The following MARK1 variants were observed in gnomAD, a reference collection of about 807,000 sequenced individuals.
The protein encoded by MARK1 is microtubule affinity regulating kinase 1.
Under a neutral mutation model 96.3 loss-of-function variants are expected in MARK1, and 40 were observed. That is an observed-to-expected ratio of 0.42 (90% confidence interval 0.32 to 0.54). The LOEUF (loss-of-function observed/expected upper bound fraction) is 0.54, where lower values mean the gene tolerates loss of function less well. Among genes scored for constraint, MARK1 ranks in the 20% least tolerant of loss-of-function variants. The pLI is 0.16. For synonymous variants in MARK1, 317 were observed against 341.2 expected (o/e 0.93, Z 0.78); for missense variants, 719 against 984.6 (o/e 0.73, Z 3.61).
chr1:220,613,536 CAT>C (rs1473084680), intron 6 of MARK1, among the ~76,000 whole-genome samples: 2 of 152,072 alleles, frequency 1.3e-5, no homozygotes, highest in Non-Finnish European at 1.5e-5. Context: ...CTCATACAAA[CAT>C]GTGACTAACA....
At chr1:220,617,047 TAG>T in intron 7 of MARK1, among the ~76,000 whole-genome samples, 1 of 152,286 alleles carries the variant, frequency 6.6e-6, no homozygotes, top group East Asian at 1.9e-4. Context: ...CAGACATTTT[TAG>T]AGAGACTGAA....
At chr1:220,529,649 G>A (rs1660174526) in intron 1 of MARK1, among the ~76,000 whole-genome samples, 1 of 152,090 alleles carries the variant, frequency 6.6e-6, no homozygotes, top group Non-Finnish European at 1.5e-5. Flanking sequence ...TTTAAAGGAG[G>A]GATTTTCTGT....
intron 15 of MARK1, among the ~76,000 whole-genome samples, chr1:220,652,355 C>G (rs1001079568): frequency 6.6e-6 from 1 of 152,066 alleles, no homozygotes; most frequent in African/African-American, 2.4e-5. Flanking sequence ...AAATCATTTT[C>G]TAGAGGAATT....
chr1:220,609,297 A>C (rs1013426039), intron 6 of MARK1, among the ~76,000 whole-genome samples: 15 of 152,198 alleles, frequency 9.9e-5, no homozygotes, highest in African/African-American at 3.4e-4. Flanking sequence ...TGATCCCTTT[A>C]CCATTATGTA....
At chr1:220,531,846 A>G (rs950992604) in intron 1 of MARK1, among the ~76,000 whole-genome samples, 2 of 152,210 alleles carry the variant, frequency 1.3e-5, no homozygotes, top group Non-Finnish European at 1.5e-5. Context: ...AATAGAATCT[A>G]TGCAAAATGT....
chr1:220,535,669 C>A (rs1192592486), intron 1 of MARK1, among the ~76,000 whole-genome samples: 3 of 151,758 alleles, frequency 2.0e-5, no homozygotes, highest in African/African-American at 7.3e-5. Context: ...ATCTTTAATC[C>A]CTTTTGAGAT....
Position 220,528,856 on chromosome 1 carries a change from G to T in MARK1, c.34G>T (p.Glu12Ter). ...SARTPLPTVN[E>*]RDTENHTSVD... is the part of the protein sequence containing the mutation. ...CCGGACGCCATTGCCGACGGTGAAC[G>T]AGCGGGACACGGAAAATGTGAGTAA... Residue 12 changes from glutamate (E) to a stop codon, truncating the protein, a stop_gained, in exon 1 of 18, where the codon GAG becomes TAG. Coordinates refer to ENST00000366917, the MANE Select transcript of MARK1 (RefSeq NM_018650.5). LOFTEE classifies it high-confidence loss of function. 6.4e-7 allele frequency: 1 copy of T among 1,571,542 alleles called. No individual in the cohort carries two copies. The highest frequency in any genetic ancestry group is 1.2e-5 in the South Asian group (1 of 85,688).
chr1:220,539,220 CTTA>C, intron 1 of MARK1, among the ~76,000 whole-genome samples: 1 of 151,936 alleles, frequency 6.6e-6, no homozygotes, highest in East Asian at 1.9e-4. Context: ...ATAGATAGCT[CTTA>C]TTATTTTGAG....
intron 1 of MARK1, among the ~76,000 whole-genome samples, chr1:220,552,077 A>T (rs1661900954): frequency 6.6e-6 from 1 of 152,218 alleles, no homozygotes; most frequent in Admixed American, 6.5e-5. Flanking sequence ...ATGTAATAGC[A>T]ACCTAATTTT....
In MARK1 at chr1:220,635,509, A is replaced by T; in HGVS notation, c.1256A>T (p.Gln419Leu). Residue 419 changes from glutamine (Q) to leucine (L), a missense_variant, in exon 12 of 18, where the codon CAG becomes CTG. Physicochemically the swap from Gln to Leu is moderately radical, Grantham distance 113. Transcript: ENST00000366917. Reference sequence around the variant, plus strand: ...AGAAGTATCTCAGCAAATCAGAAGCAGCGGCGTTTCAGTGATCATGGTAGG... The same window carrying T: ...AGAAGTATCTCAGCAAATCAGAAGCTGCGGCGTTTCAGTGATCATGGTAGG... ...VQRSISANQK[Q>L]RRFSDHAGPS... 3 of 1,610,846 alleles carry T rather than the reference A, an allele frequency of 1.9e-6. No individual in the cohort carries two copies. Among genetic ancestry groups the T allele is most frequent in the Non-Finnish European group, 2.5e-6 (3 of 1,179,230 alleles).
chr1:220,561,422 CA>C (rs1662660653), intron 1 of MARK1, among the ~76,000 whole-genome samples: 2 of 151,868 alleles, frequency 1.3e-5, no homozygotes. Context: ...ATGTATGGCC[CA>C]AGACAGTTCT....
intron 1 of MARK1, among the ~76,000 whole-genome samples, chr1:220,570,089 ATC>A (rs1663339060): frequency 6.6e-6 from 1 of 152,176 alleles, no homozygotes. Flanking sequence ...TGAATAATAT[ATC>A]ATTTCATAAA....
At position 220,664,378 on chromosome 1, in the gene MARK1, A is replaced by G. The variant is rs1289842772; in HGVS notation, c.*2212A>G. ...AAATACCAGTTTATGTTCACCGGCT[A>G]TGTGATACCAGGATTTCCTTGGCTT... is the stretch of plus-strand genomic sequence containing the variant. On this transcript the variant is annotated 3_prime_UTR_variant, in exon 18 of 18. Transcript: ENST00000366917. The G allele has an allele frequency of 6.6e-6, 1 of 152,176 alleles. No individual in the cohort carries two copies. The highest frequency in any genetic ancestry group is 1.5e-5 in the Non-Finnish European group (1 of 68,030). 9.4% of individuals were successfully genotyped at this position (152,176 alleles called of 1,614,324 possible).
chr1:220,535,039 C>T (rs1660591298), intron 1 of MARK1, among the ~76,000 whole-genome samples: 1 of 152,022 alleles, frequency 6.6e-6, no homozygotes, highest in Non-Finnish European at 1.5e-5. Flanking sequence ...GATAAATACC[C>T]AGAAATGGTC....
intron 9 of MARK1, among the ~76,000 whole-genome samples, chr1:220,628,916 T>TAAA (rs202116431): frequency 3.6e-5 from 5 of 139,970 alleles, no homozygotes; most frequent in African/African-American, 1.3e-4. Context: ...ACCCTGTCTT[T>TAAA]AAAAAAAAAA....
chr1:220,581,133 T>A lies in MARK1; in HGVS notation c.309+15T>A. On this transcript the variant is annotated intron_variant, in intron 3 of 17. Transcript: ENST00000366917. Reference sequence around the variant, plus strand: ...GTCTACAAAAGGTATTTAATTAATTTAATAAGTAATTAAAATGTGAGTTTA... The same window carrying A: ...GTCTACAAAAGGTATTTAATTAATTAAATAAGTAATTAAAATGTGAGTTTA... The A allele has an allele frequency of 1.1e-6, 1 of 949,346 alleles. No individual in the cohort carries two copies. The highest frequency in any genetic ancestry group is 1.5e-6 in the Non-Finnish European group (1 of 681,794). 58.8% of individuals were successfully genotyped at this position (949,346 alleles called of 1,614,324 possible). A position where few individuals can be genotyped will look rare whatever the true frequency, so the allele number is the denominator to read the frequency against.
intron 6 of MARK1, among the ~76,000 whole-genome samples, chr1:220,611,525 C>G (rs959926146): frequency 2.0e-5 from 3 of 152,088 alleles, no homozygotes; most frequent in Non-Finnish European, 2.9e-5. Flanking sequence ...ACCCCTCGTG[C>G]CTCCCTGCCC....
chr1:220,546,992 A>G (rs1230127778), intron 1 of MARK1, among the ~76,000 whole-genome samples: 1 of 150,672 alleles, frequency 6.6e-6, no homozygotes, highest in African/African-American at 2.5e-5. Context: ...AAAAAAGAAA[A>G]AAGAAAAGAA....
chr1:220,565,846 T>G (rs914071918), intron 1 of MARK1, among the ~76,000 whole-genome samples: 2 of 152,196 alleles, frequency 1.3e-5, no homozygotes, highest in African/African-American at 4.8e-5. Context: ...CTTGCAAAGC[T>G]TACCATGTAG....
Sources: allele counts gnomAD v4.1 joint callset (sites outside exome capture counted in the v4.1 genomes callset), GRCh38; gene constraint gnomAD v4.1.1; transcripts MANE v1.5; gene names NCBI Gene and HGNC (gene_info 2026-07-23, HGNC 2026-07-21).